The following LETM2 variants were observed in gnomAD, a reference collection of about 807,000 sequenced individuals.
The protein encoded by LETM2 is leucine zipper and EF-hand containing transmembrane protein 2.
A neutral mutation model predicts 59.6 loss-of-function variants in LETM2; 58 were observed. The ratio of observed to expected loss-of-function variants is 0.97; its 90% CI spans 0.79 to 1.21. The LOEUF is 1.21. Ranked by LOEUF, LETM2 falls within the 50% of genes most tolerant of loss-of-function variation. The pLI is 0.00. For synonymous variants in LETM2, 199 were observed against 214.1 expected, an observed-to-expected ratio of 0.93 and a Z score of 0.62; for missense variants, 572 against 575.7, an observed-to-expected ratio of 0.99 and a Z score of 0.07.
chr8:38,390,862 T>G (rs989574837), intron 2 of LETM2, among the ~76,000 whole-genome samples: 3 of 150,912 alleles, frequency 2.0e-5, no homozygotes, highest in African/African-American at 7.3e-5. Context: ...TTTGTATTTT[T>G]GGTAGAGATG....
At chr8:38,396,946 C>A in intron 4 of LETM2, 1 of 324,230 alleles carries the variant, frequency 3.1e-6, no homozygotes, top group Admixed American at 4.1e-5. Context: ...AACAGAAATC[C>A]ACTGTTACCG....
chr8:38,407,641 A>G (rs892701684), intron 10 of LETM2, among the ~76,000 whole-genome samples, 178 bp downstream of exon 10: 1 of 145,286 alleles, frequency 6.9e-6, no homozygotes, highest in Non-Finnish European at 1.5e-5. Context: ...TTTTACTTCA[A>G]CTATCCAAAA....
At chr8:38,384,275 T>C (rs1459186004), upstream of LETM2, among the ~76,000 whole-genome samples, 1 of 152,266 alleles carries the variant, frequency 6.6e-6, no homozygotes, top group Admixed American at 6.5e-5. Context: ...AGGGATCTTA[T>C]ATTAGCCTGT....
chr8:38,398,583 A>G (rs959843332), intron 4 of LETM2, among the ~76,000 whole-genome samples: 1 of 152,198 alleles, frequency 6.6e-6, no homozygotes, highest in African/African-American at 2.4e-5. Context: ...CACTACACTA[A>G]AAGTTCCATG....
chr8:38,394,019 T>A, intron 3 of LETM2, 79 bp from the exon 4 acceptor site: 2 of 1,126,374 alleles, frequency 1.8e-6, no homozygotes, highest in South Asian at 2.3e-5. Flanking sequence ...CAAGACAGGG[T>A]TTTTTTGGTT....
intron 7 of LETM2, among the ~76,000 whole-genome samples, chr8:38,403,573 G>A (rs1002309531): frequency 1.3e-5 from 2 of 152,224 alleles, no homozygotes; most frequent in Non-Finnish European, 2.9e-5. Flanking sequence ...GAGCATCAAT[G>A]CTTTAAAACA....
intron 8 of LETM2, among the ~76,000 whole-genome samples, chr8:38,405,671 A>G (rs1813657493): frequency 6.6e-6 from 1 of 152,220 alleles, no homozygotes. Context: ...CCATGTTCTA[A>G]AAGGCAGGCT....
At position 38,400,862 on chromosome 8, in the gene LETM2, G is replaced by A; in HGVS notation, c.793G>A (p.Gly265Ser). 1 of 1,614,108 alleles carries A rather than the reference G, an allele frequency of 6.2e-7. No individual in the cohort carries two copies. Among genetic ancestry groups the A allele is most frequent in the African/African-American group, 1.3e-5 (1 of 75,052 alleles). Residue 265 changes from glycine (G) to serine (S), a missense_variant, in exon 6 of 11, where the codon GGC becomes AGC. Transcript: ENST00000379957. ...TTGTCCCACTGCATAGGTCCAGACA[G>A]GCCACAAGCCCAGCACAAAGGAGAT... ...LSSYVKQVQT[G>S]HKPSTKEIVR...
upstream of LETM2, among the ~76,000 whole-genome samples, chr8:38,384,196 G>A (rs1811685234): frequency 6.7e-6 from 1 of 148,510 alleles, no homozygotes. Flanking sequence ...TCCTTGCTTT[G>A]TTGATAAACT....
In LETM2 at chr8:38,387,967, T is replaced by C. The variant is rs1158657841; in HGVS notation, c.-17T>C. 44 of 1,503,370 alleles carry C rather than the reference T, an allele frequency of 2.9e-5. No homozygotes were observed. The East Asian group carries it at 9.1e-4, about 31-fold the overall frequency. The allele number at this position is 1,503,370 out of a possible 1,614,324, so 93.1% of individuals were successfully genotyped here. A position where few individuals can be genotyped will look rare whatever the true frequency, so the allele number is the denominator to read the frequency against. Reference sequence around the variant, plus strand: ...TTGCCTAGGTCCCTATGTTAACTACTTGAGACAAAAATAAATATGGCCTTC... The same window carrying C: ...TTGCCTAGGTCCCTATGTTAACTACCTGAGACAAAAATAAATATGGCCTTC... On this transcript the variant is annotated 5_prime_UTR_variant, in exon 2 of 11. Coordinates refer to ENST00000379957, the MANE Select transcript of LETM2 (RefSeq NM_001286819.2).
At chr8:38,394,280 A>G (rs373042787) in intron 4 of LETM2, 39 bp downstream of exon 4, 1 of 1,263,724 alleles carries the variant, frequency 7.9e-7, no homozygotes, top group African/African-American at 1.5e-5. Flanking sequence ...AATAAACCTT[A>G]TTAGAGGAGT....
intron 6 of LETM2, among the ~76,000 whole-genome samples, chr8:38,401,296 C>G (rs1281138985): frequency 6.6e-6 from 1 of 152,064 alleles, no homozygotes; most frequent in Non-Finnish European, 1.5e-5. Flanking sequence ...ATCATCACAC[C>G]TGGCTAATTT....
intron 8 of LETM2, 149 bp downstream of exon 8, chr8:38,404,655 A>G: frequency 3.3e-6 from 2 of 600,856 alleles, no homozygotes; most frequent in South Asian, 4.0e-5. Context: ...AAAAATTTCT[A>G]AAAAAACCAA....
intron 5 of LETM2, chr8:38,400,638 G>T: frequency 1.5e-6 from 1 of 657,270 alleles, no homozygotes; most frequent in Non-Finnish European, 2.5e-6. Flanking sequence ...TTCTTGGAGA[G>T]AACAGTAGAT....
chr8:38,394,155 G>GTACC lies in LETM2; in HGVS notation c.560_563dup (p.Phe189ThrfsTer23). ...GGTTCCATTTATGGTGTTCTTAATT[G>GTACC]TACCCTTCATGGAATTCTTATTACC... On this transcript the variant is annotated frameshift_variant, in exon 4 of 11. Coordinates refer to ENST00000379957, the MANE Select transcript of LETM2 (RefSeq NM_001286819.2). LOFTEE classifies it high-confidence loss of function. 1 of 1,516,826 alleles carries GTACC rather than the reference G, an allele frequency of 6.6e-7. No homozygotes were observed. The highest frequency in any genetic ancestry group is 8.8e-7 in the Non-Finnish European group (1 of 1,138,404). The allele number at this position is 1,516,826 out of a possible 1,614,324, so 94.0% of individuals were successfully genotyped here.
chr8:38,407,103 C>G, intron 9 of LETM2, 65 bp downstream of exon 9: 1 of 979,924 alleles, frequency 1.0e-6, no homozygotes, highest in Non-Finnish European at 1.6e-6. Flanking sequence ...GGGTCATTTT[C>G]TCCTGTTTTA....
At chr8:38,394,971 T>C (rs185247571) in intron 4 of LETM2, among the ~76,000 whole-genome samples, 1 of 152,260 alleles carries the variant, frequency 6.6e-6, no homozygotes, top group East Asian at 1.9e-4. Flanking sequence ...CAGAATGTCA[T>C]ATAGTTGGGA....
chr8:38,400,849 A>G lies in LETM2; in HGVS notation c.784-4A>G, dbSNP rs368721819. ...TTAATTGGCCTTTTTGTCCCACTGCATAGGTCCAGACAGGCCACAAGCCCA... is the reference window on the plus strand; with the variant it reads ...TTAATTGGCCTTTTTGTCCCACTGCGTAGGTCCAGACAGGCCACAAGCCCA... On this transcript the variant is annotated splice_polypyrimidine_tract_variant and splice_region_variant and intron_variant, in intron 5 of 10. Coordinates refer to ENST00000379957, the MANE Select transcript of LETM2 (RefSeq NM_001286819.2). 26 of 1,612,674 alleles carry G rather than the reference A, an allele frequency of 1.6e-5. No homozygotes were observed. The highest frequency in any genetic ancestry group is 1.6e-4 in the Middle Eastern group (1 of 6,080).
At chr8:38,401,627 C>T (rs890469236) in intron 6 of LETM2, 4 of 155,414 alleles carry the variant, frequency 2.6e-5, no homozygotes, top group Non-Finnish European at 4.3e-5. Flanking sequence ...TCATCTAAAG[C>T]AGTTAGGACC....
Sources: allele counts gnomAD v4.1 joint callset (sites outside exome capture counted in the v4.1 genomes callset), GRCh38; gene constraint gnomAD v4.1.1; transcripts MANE v1.5; gene names NCBI Gene and HGNC (gene_info 2026-07-23, HGNC 2026-07-21).